HFM1: variants seen among roughly 807,000 people sequenced by gnomAD.
The protein encoded by HFM1 is probable ATP-dependent DNA helicase HFM1.
In HFM1, 169 loss-of-function variants were observed where a neutral mutation model predicts 192.1. That is an observed-to-expected ratio of 0.88 (90% confidence interval 0.78 to 1.00). The LOEUF is 1.00. Among genes scored for constraint, HFM1 ranks in the 50% least tolerant of loss-of-function variants. HFM1 has a pLI of 0.00. For missense variants in HFM1, 1,661 were observed against 1,668.0 expected (o/e 1.00, Z 0.07); for synonymous variants, 525 against 537.8 (o/e 0.98, Z 0.33).
intron 13 of HFM1, among the ~76,000 whole-genome samples, chr1:91,362,870 C>T (rs539149500): frequency 1.3e-4 from 20 of 152,108 alleles, no homozygotes; most frequent in South Asian, 4.2e-4. Context: ...AGAAATAAGA[C>T]GACACACCTA....
chr1:91,323,907 T>C (rs1381254673), intron 21 of HFM1, among the ~76,000 whole-genome samples: 1 of 152,222 alleles, frequency 6.6e-6, no homozygotes, highest in Non-Finnish European at 1.5e-5. Context: ...ATAACTGGAA[T>C]TCTACTGTGC....
At chr1:91,339,449 C>T (rs1313836365) in intron 20 of HFM1, among the ~76,000 whole-genome samples, 2 of 151,934 alleles carry the variant, frequency 1.3e-5, no homozygotes, top group African/African-American at 4.8e-5. Flanking sequence ...TAACAAAGAA[C>T]CAAACTGATC....
rs1202447114 is a variant in HFM1, at chr1:91,356,718, A to AG, written c.1686-3420dup. Among the ~76,000 whole-genome samples, 4 of 1,688 alleles carry AG rather than the reference A, an allele frequency of 2.4e-3. No homozygotes were observed. The South Asian group carries it at 0.15, about 63-fold the overall frequency. 1.1% of individuals were successfully genotyped at this position (1,688 alleles called of 152,430 possible). On this transcript the variant is annotated intron_variant, in intron 13 of 38. Coordinates refer to ENST00000370425, the MANE Select transcript of HFM1 (RefSeq NM_001017975.6). ...AATAAACAAATATCTAGCTAGACTA[A>AG]GGAAAAAAAAAGAAGAAACAAATAA...
At chr1:91,300,363 G>C (rs902543371) in intron 30 of HFM1, among the ~76,000 whole-genome samples, 2 of 152,192 alleles carry the variant, frequency 1.3e-5, no homozygotes, top group Non-Finnish European at 2.9e-5. Flanking sequence ...GTACAAGGAG[G>C]AGCTGGTACC....
intron 13 of HFM1, among the ~76,000 whole-genome samples, chr1:91,357,070 A>G (rs1377244062): frequency 6.6e-6 from 1 of 152,230 alleles, no homozygotes; most frequent in East Asian, 1.9e-4. Flanking sequence ...ATTCCAAAAA[A>G]TACAGCTACA....
rs893451286 is a variant in HFM1 at position 91,350,844 on chromosome 1, T to C, written c.2100A>G (p.Leu700=). ...TGGTATGCAGTACTATCTCTGCATT[T>C]AAATGTTCAATAAGATGTCTGTGCA... ...SSLHRHLIEH[L]NAEIVLHTIT... Residue 700 remains leucine (L), a synonymous_variant, in exon 18 of 39, where the codon TTA becomes TTG. Transcript: ENST00000370425. 2 of 1,589,566 alleles carry C rather than the reference T, an allele frequency of 1.3e-6. No individual in the cohort carries two copies. The highest frequency in any genetic ancestry group is 1.7e-6 in the Non-Finnish European group (2 of 1,162,570).
chr1:91,287,416 G>T (rs78671875), intron 30 of HFM1, among the ~76,000 whole-genome samples: 185 of 151,744 alleles, frequency 1.2e-3, no homozygotes, highest in African/African-American at 3.5e-3. Context: ...CACCTCACAC[G>T]TCCGGGTACT....
chr1:91,284,226 T>C (rs1043336505), intron 30 of HFM1, among the ~76,000 whole-genome samples: 1 of 150,828 alleles, frequency 6.6e-6, no homozygotes, highest in Non-Finnish European at 1.5e-5. Flanking sequence ...CTACATTAAT[T>C]ATTATTATTA....
chr1:91,400,814 T>C (rs866021621), intron 2 of HFM1, among the ~76,000 whole-genome samples, 198 bp downstream of exon 2: 6 of 152,306 alleles, frequency 3.9e-5, no homozygotes, highest in Middle Eastern at 3.4e-3. Flanking sequence ...AATTATAACA[T>C]TTAAGATGTT....
Position 91,313,417 on chromosome 1 carries a change from C to G in HFM1, c.3323G>C (p.Arg1108Thr). The G allele has an allele frequency of 2.5e-6, 4 of 1,599,502 alleles. No individual in the cohort carries two copies. Among genetic ancestry groups the G allele is most frequent in the Non-Finnish European group, 3.4e-6 (4 of 1,169,480 alleles). The change falls in exon 30 of 39, where the codon AGA becomes ACA. Residue 1108 changes from arginine (R) to threonine (T), a missense_variant. Arg to Thr is a moderately conservative substitution (Grantham distance 71). Transcript: ENST00000370425. ...ATGGGAAATCTGTGTTTCAGATTTT[C>G]TTTGCATAGTGATTTGATTTCCAAA... ...KRFGNQITMQRKSETQISHSK... is the reference protein window; with the variant it reads ...KRFGNQITMQTKSETQISHSK...
At chr1:91,389,561 A>C (rs1662673775) in intron 4 of HFM1, among the ~76,000 whole-genome samples, 1 of 152,220 alleles carries the variant, frequency 6.6e-6, no homozygotes, top group African/African-American at 2.4e-5. Flanking sequence ...CACACACCAA[A>C]GAAAAACCAT....
rs541908695 is a variant in HFM1 at position 91,277,134 on chromosome 1, T to G, written c.3392-72A>C. The stretch of plus-strand genomic sequence containing the variant: ...ATTGTTAATTTAATATAATTAATTT[T>G]TATCCAGTTTCCTTCCTTTCAGACA... On this transcript the variant is annotated intron_variant, in intron 30 of 38. Transcript: ENST00000370425. The G allele has an allele frequency of 5.1e-6, 4 of 778,112 alleles. No homozygotes were observed. In the African/African-American group the frequency reaches 7.2e-5, roughly 14 times the overall value. The allele number at this position is 778,112 out of a possible 1,614,324, so 48.2% of individuals were successfully genotyped here. A position where few individuals can be genotyped will look rare whatever the true frequency, so the allele number is the denominator to read the frequency against.
chr1:91,307,268 T>C (rs1261143785), intron 30 of HFM1, among the ~76,000 whole-genome samples: 1 of 152,202 alleles, frequency 6.6e-6, no homozygotes, highest in Non-Finnish European at 1.5e-5. Flanking sequence ...GCTTGTATTT[T>C]TTTGCTTTGC....
chr1:91,359,980 A>G (rs1052390938), intron 13 of HFM1, among the ~76,000 whole-genome samples: 2 of 152,204 alleles, frequency 1.3e-5, no homozygotes, highest in African/African-American at 4.8e-5. Context: ...ATTCTTAAAG[A>G]AAAAAATTTC....
chr1:91,297,881 C>T (rs1433963721), intron 30 of HFM1, among the ~76,000 whole-genome samples: 5 of 152,282 alleles, frequency 3.3e-5, no homozygotes, highest in African/African-American at 7.2e-5. Context: ...AAATTCAGAG[C>T]GCCTCTCCTC....
intron 30 of HFM1, among the ~76,000 whole-genome samples, chr1:91,283,017 T>C (rs1667603465): frequency 6.6e-6 from 1 of 152,158 alleles, no homozygotes; most frequent in South Asian, 2.1e-4. Flanking sequence ...GAATGAGGAC[T>C]GTATGCAAGT....
At chr1:91,310,569 C>G (rs141337653) in intron 30 of HFM1, among the ~76,000 whole-genome samples, 1 of 152,072 alleles carries the variant, frequency 6.6e-6, no homozygotes, top group Non-Finnish European at 1.5e-5. Flanking sequence ...TGGCTGTGTC[C>G]CCACCAAAAT....
Position 91,379,087 on chromosome 1 carries a change from A to G in HFM1, c.1134T>C (p.His378=). The G allele has an allele frequency of 6.3e-7, 1 of 1,587,914 alleles. No homozygotes were observed. Among genetic ancestry groups the G allele is most frequent in the Non-Finnish European group, 8.6e-7 (1 of 1,166,152 alleles). ...CTGGAGTTGTCATAATAATATGGGCATGCTGAATCTCAAATAGATCATCCA... is the reference window on the plus strand; with the variant it reads ...CTGGAGTTGTCATAATAATATGGGCGTGCTGAATCTCAAATAGATCATCCA... The part of the protein sequence containing the change: ...TVMDDLFEIQ[H]AHIIMTTPEK... Residue 378 remains histidine (H), a synonymous_variant, in exon 9 of 39, where the codon CAT becomes CAC. Coordinates refer to ENST00000370425, the MANE Select transcript of HFM1 (RefSeq NM_001017975.6).
At chr1:91,393,992 G>T in intron 4 of HFM1, 101 bp downstream of exon 4, 1 of 612,684 alleles carries the variant, frequency 1.6e-6, no homozygotes, top group Non-Finnish European at 2.7e-6. Flanking sequence ...ATAGAATTTT[G>T]CTGTTTTTCT....
Sources: gnomAD v4.1 joint callset for allele counts (sites outside exome capture counted in the v4.1 genomes callset) on GRCh38, gnomAD v4.1.1 for gene constraint, MANE v1.5 for transcripts, NCBI Gene and HGNC (gene_info 2026-07-23, HGNC 2026-07-21) for gene names.